The following RAG1 variants were observed in gnomAD, a reference collection of about 807,000 sequenced individuals.
The protein encoded by RAG1 is recombination activating 1.
A neutral mutation model predicts 62.7 loss-of-function variants in RAG1; 35 were observed. That is an observed-to-expected ratio of 0.56 (90% CI 0.43 to 0.74). RAG1 has a LOEUF of 0.74. Among genes scored for constraint, RAG1 ranks in the 30% least tolerant of loss-of-function variants. The pLI is 0.00. For synonymous variants in RAG1, 461 were observed against 470.3 expected (o/e 0.98, Z 0.26); for missense variants, 1,169 against 1,278.6 (o/e 0.91, Z 1.31).
chr11:36,538,231 G>A (rs1428396130), downstream of RAG1, among the ~76,000 whole-genome samples: 1 of 152,108 alleles, frequency 6.6e-6, no homozygotes, highest in East Asian at 1.9e-4. Flanking sequence ...CTTGAAAGAG[G>A]AGAATTCTAT....
Position 36,574,610 on chromosome 11 carries a change from A to C in RAG1, c.1306A>C (p.Thr436Pro). 6.2e-7 allele frequency: 1 copy of C among 1,614,218 alleles called. No individual in the cohort carries two copies. The highest frequency in any genetic ancestry group is 8.5e-7 in the Non-Finnish European group (1 of 1,180,036). Residue 436 changes from threonine to proline, a missense_variant, in exon 2 of 2, where the codon ACC becomes CCC. Physicochemically the swap from Thr to Pro is conservative, Grantham distance 38. Transcript: ENST00000299440. Reference protein sequence around the residue: ...EGGDVKSVCMTLFLLALRARN... With the variant: ...EGGDVKSVCMPLFLLALRARN... ...TGGAGATGTGAAGTCCGTGTGCATG[A>C]CCTTGTTCCTGCTGGCTCTGAGGGC...
chr11:36,521,114 C>T (rs944576059), intron 2 of RAG1, among the ~76,000 whole-genome samples: 2 of 152,006 alleles, frequency 1.3e-5, no homozygotes, highest in Admixed American at 6.6e-5. Flanking sequence ...CATGTGCCAC[C>T]ATGCCTGGCA....
At chr11:36,532,423 T>C (rs751747302) in intron 2 of RAG1, among the ~76,000 whole-genome samples, 1 of 152,152 alleles carries the variant, frequency 6.6e-6, no homozygotes, top group Non-Finnish European at 1.5e-5. Flanking sequence ...ACTCTTTCCA[T>C]CTAGCAATAT....
chr11:36,525,446 G>T (rs1000754981), intron 2 of RAG1, among the ~76,000 whole-genome samples: 1 of 151,992 alleles, frequency 6.6e-6, no homozygotes. Context: ...CAGTATTTTG[G>T]TAAGAATTGT....
At chr11:36,544,847 T>C (rs1027255570) in intron 3 of RAG1, among the ~76,000 whole-genome samples, 1 of 152,158 alleles carries the variant, frequency 6.6e-6, no homozygotes, top group Non-Finnish European at 1.5e-5. Flanking sequence ...TTTAAAAGTG[T>C]GTGGCGGATC....
intron 2 of RAG1, among the ~76,000 whole-genome samples, chr11:36,526,155 T>C (rs1447525381): frequency 2.6e-5 from 4 of 152,200 alleles, no homozygotes; most frequent in Non-Finnish European, 5.9e-5. Flanking sequence ...TACATAGGTA[T>C]ACATGTGCCA....
chr11:36,575,509 C>T lies in RAG1; in HGVS notation c.2205C>T (p.Ala735=). 6.2e-7 allele frequency: 1 copy of T among 1,614,212 alleles called. No homozygotes were observed. The highest frequency in any genetic ancestry group is 8.5e-7 in the Non-Finnish European group (1 of 1,180,046). ...TCTACATTTGTACTCTTTGTGATGC[C>T]ACCCGTCTGGAAGCCTCTCAAAATC... ...GSVYICTLCD[A]TRLEASQNLV... The change falls in exon 2 of 2, where the codon GCC becomes GCT. Residue 735 remains alanine, a synonymous_variant. Coordinates refer to ENST00000299440, the MANE Select transcript of RAG1 (RefSeq NM_000448.3). The surrounding 1 kb of genome is among the most constrained non-coding windows in gnomAD (Gnocchi z 4.1).
At chr11:36,514,831 C>T (rs1564973433) in intron 1 of RAG1, among the ~76,000 whole-genome samples, 2 of 152,232 alleles carry the variant, frequency 1.3e-5, no homozygotes, top group African/African-American at 4.8e-5. Flanking sequence ...CCCTCACTCA[C>T]CACTCATCTG....
chr11:36,570,090 A>G (rs1353993091), intron 1 of RAG1, among the ~76,000 whole-genome samples: 8 of 152,176 alleles, frequency 5.3e-5, no homozygotes, highest in Non-Finnish European at 1.0e-4. Flanking sequence ...GCTTTTTCAA[A>G]GTAACAGCTT....
intron 2 of RAG1, among the ~76,000 whole-genome samples, chr11:36,531,091 T>A (rs1350584558): frequency 1.3e-5 from 2 of 151,976 alleles, no homozygotes; most frequent in Non-Finnish European, 2.9e-5. Flanking sequence ...GCTCCCTCTT[T>A]GTGTTTGGTA....
chr11:36,536,925 A>AT (rs570130024), downstream of RAG1, among the ~76,000 whole-genome samples: 1 of 146,494 alleles, frequency 6.8e-6, no homozygotes, highest in African/African-American at 2.6e-5. Flanking sequence ...CGCCCGGCTA[A>AT]TTTTTTGTAT....
At chr11:36,540,432 C>T (rs1234974094), downstream of RAG1, among the ~76,000 whole-genome samples, 1 of 152,034 alleles carries the variant, frequency 6.6e-6, no homozygotes, top group Admixed American at 6.6e-5. Flanking sequence ...TGCGACGGAG[C>T]CTCTCTCTGT....
At position 36,574,287 on chromosome 11, in the gene RAG1, G is replaced by T; in HGVS notation, c.983G>T (p.Cys328Phe). The change falls in exon 2 of 2, where the codon TGT becomes TTT. Residue 328 changes from cysteine to phenylalanine, a missense_variant. Coordinates refer to ENST00000299440, the MANE Select transcript of RAG1 (RefSeq NM_000448.3). ...TGCCTCAAAGTCATGGGCAGCTATTGTCCCTCTTGCCGATATCCATGCTTC... is the reference window on the plus strand; with the variant it reads ...TGCCTCAAAGTCATGGGCAGCTATTTTCCCTCTTGCCGATATCCATGCTTC... ...LRCLKVMGSYCPSCRYPCFPT... is the reference protein window; with the variant it reads ...LRCLKVMGSYFPSCRYPCFPT... 1 of 1,614,178 alleles carries T rather than the reference G, an allele frequency of 6.2e-7. No individual in the cohort carries two copies. Among genetic ancestry groups the T allele is most frequent in the Non-Finnish European group, 8.5e-7 (1 of 1,180,030 alleles).
rs150739647 is a variant in RAG1 at position 36,576,228 on chromosome 11, G to C, written c.2924G>C (p.Arg975Pro). The change falls in exon 2 of 2, where the codon CGG becomes CCG. Residue 975 changes from arginine (R) to proline (P), a missense_variant. By Grantham distance (103) the Arg-to-Pro change is moderately radical. This residue lies in a region of RAG1 where 800 missense variants were observed against 943.3 expected (regional missense o/e 0.85). Transcript: ENST00000299440. ...GGTAACAAACTGTTTAGGCGCTTCC[G>C]GAAAATGAATGCCAGGCAGTCCAAA... ...ESGNKLFRRF[R>P]KMNARQSKCY... 6.2e-7 allele frequency: 1 copy of C among 1,614,082 alleles called. No homozygotes were observed. The highest frequency in any genetic ancestry group is 8.5e-7 in the Non-Finnish European group (1 of 1,180,026).
Position 36,577,243 on chromosome 11 carries a change from T to G in RAG1, c.*807T>G, listed in dbSNP as rs1403003852. ...ATCAGAAGCCAAGTATGATTCTTTA[T>G]TTTTACTTTTTCATTTCAAGAAATT... On this transcript the variant is annotated 3_prime_UTR_variant, in exon 2 of 2. Transcript: ENST00000299440. The G allele has an allele frequency of 6.0e-6, 1 of 166,998 alleles. No individual in the cohort carries two copies. The highest frequency in any genetic ancestry group is 1.5e-5 in the Non-Finnish European group (1 of 68,112). The allele number at this position is 166,998 out of a possible 1,614,324, so 10.3% of individuals were successfully genotyped here.
rs1406518260 is a variant in RAG1 at position 36,574,397 on chromosome 11, G to A, written c.1093G>A (p.Glu365Lys). Reference protein sequence around the residue: ...MVKCPAKECNEEVSLEKYNHH... With the variant: ...MVKCPAKECNKEVSLEKYNHH... The stretch of plus-strand genomic sequence containing the variant: ...GAAATGTCCAGCAAAAGAGTGCAAT[G>A]AGGAGGTCAGTTTGGAAAAATATAA... Residue 365 changes from glutamate to lysine, a missense_variant, in exon 2 of 2, where the codon GAG becomes AAG. Physicochemically the swap from Glu to Lys is moderately conservative, Grantham distance 56. Transcript: ENST00000299440. 1.2e-6 allele frequency: 2 copies of A among 1,614,238 alleles called. No homozygotes were observed. Among genetic ancestry groups the A allele is most frequent in the Non-Finnish European group, 1.7e-6 (2 of 1,180,034 alleles).
Position 36,576,620 on chromosome 11 carries a change from G to C in RAG1, c.*184G>C, listed in dbSNP as rs1850856777. 2.8e-6 allele frequency: 2 copies of C among 706,016 alleles called. No homozygotes were observed. The highest frequency in any genetic ancestry group is 3.6e-5 in the African/African-American group (2 of 55,448). 43.7% of individuals were successfully genotyped at this position (706,016 alleles called of 1,614,324 possible). A position where few individuals can be genotyped will look rare whatever the true frequency, so the allele number is the denominator to read the frequency against. On this transcript the variant is annotated 3_prime_UTR_variant, in exon 2 of 2. Transcript: ENST00000299440. ...AGAAACTGATGAGCTGATTGCTTGA[G>C]GCTTTTAGTGAGTTCCGAAAAGCAA... is the stretch of plus-strand genomic sequence containing the variant.
At position 36,577,690 on chromosome 11, in the gene RAG1, A is replaced by G. The variant is rs754672208; in HGVS notation, c.*1254A>G. The stretch of plus-strand genomic sequence containing the variant: ...TTATCTCCATTTGATGGGGGTTTAA[A>G]TGATTTGCTCAAAGTCATTTAGGGG... On this transcript the variant is annotated 3_prime_UTR_variant, in exon 2 of 2. Transcript: ENST00000299440. The G allele has an allele frequency of 1.2e-5, 2 of 167,088 alleles. No individual in the cohort carries two copies. The highest frequency in any genetic ancestry group is 2.9e-5 in the Non-Finnish European group (2 of 68,120). 10.4% of individuals were successfully genotyped at this position (167,088 alleles called of 1,614,324 possible).
chr11:36,550,465 A>G (rs1363547177), intron 3 of RAG1, among the ~76,000 whole-genome samples: 1 of 152,082 alleles, frequency 6.6e-6, no homozygotes, highest in South Asian at 2.1e-4. Flanking sequence ...GTGACCCCAC[A>G]TTTTTAGAAA....
Sources: gnomAD v4.1 joint callset for allele counts (sites outside exome capture counted in the v4.1 genomes callset) on GRCh38, gnomAD v4.1.1 for gene constraint, gnomAD v4.1.1 regional missense constraint, Gnocchi (gnomAD v3.1) non-coding constraint, MANE v1.5 for transcripts, NCBI Gene and HGNC (gene_info 2026-07-23, HGNC 2026-07-21) for gene names.